LMNB1: variants seen among roughly 807,000 people sequenced by gnomAD.
LMNB1 encodes lamin B1, also known as lamin-B1.
In LMNB1, 23 loss-of-function variants were observed where a neutral mutation model predicts 67.1. The ratio of observed to expected loss-of-function variants is 0.34; its 90% CI spans 0.25 to 0.49. The LOEUF (loss-of-function observed/expected upper bound fraction) is 0.49, where lower values mean the gene tolerates loss of function less well. Ranked by LOEUF, LMNB1 falls within the 20% of genes least tolerant of loss-of-function variation. The pLI is 0.99. For synonymous variants in LMNB1, 281 were observed against 282.9 expected, an observed-to-expected ratio of 0.99 and a Z score of 0.07; for missense variants, 634 against 746.5, an observed-to-expected ratio of 0.85 and a Z score of 1.76.
chr5:126,819,644 C>T (rs945166715), intron 6 of LMNB1, among the ~76,000 whole-genome samples: 9 of 151,916 alleles, frequency 5.9e-5, no homozygotes, highest in African/African-American at 2.2e-4. Context: ...GCGTGTGTCA[C>T]CACACCCGGC....
At chr5:126,815,962 G>A (rs1327771718) in intron 5 of LMNB1, among the ~76,000 whole-genome samples, 1 of 152,006 alleles carries the variant, frequency 6.6e-6, no homozygotes. Flanking sequence ...TATAAATCTC[G>A]GCTCAGGTTA....
intron 4 of LMNB1, 80 bp from the exon 5 acceptor site, chr5:126,811,693 G>T (rs1197761538): frequency 1.4e-6 from 2 of 1,383,012 alleles, no homozygotes; most frequent in Non-Finnish European, 2.0e-6. Context: ...ACTTAGGTTT[G>T]AAATGCCTTG....
chr5:126,786,347 T>A (rs1199196317), intron 1 of LMNB1, among the ~76,000 whole-genome samples: 1 of 152,086 alleles, frequency 6.6e-6, no homozygotes, highest in Non-Finnish European at 1.5e-5. Context: ...GGTCTCGATC[T>A]CCTGACCTCG....
upstream of LMNB1, chr5:126,776,637 G>C (rs897048857): frequency 1.3e-4 from 20 of 152,274 alleles, no homozygotes; most frequent in African/African-American, 4.8e-4. Flanking sequence ...CGGGGGATAA[G>C]GTTACCACGC....
chr5:126,800,982 A>ATATATATAATTTTTTT, intron 1 of LMNB1, among the ~76,000 whole-genome samples: 2 of 18,636 alleles, frequency 1.1e-4, no homozygotes, highest in Non-Finnish European at 2.1e-4. Context: ...TATATATATA[A>ATATATATAATTTTTTT]TTTTTTTTTT....
chr5:126,805,047 T>C (rs1238432167), intron 2 of LMNB1, 115 bp downstream of exon 2: 4 of 970,460 alleles, frequency 4.1e-6, no homozygotes, highest in Middle Eastern at 2.2e-4. Context: ...TGAAATTTTA[T>C]ATATTTGTTT....
At chr5:126,795,686 C>T (rs1353607224) in intron 1 of LMNB1, among the ~76,000 whole-genome samples, 9 of 152,042 alleles carry the variant, frequency 5.9e-5, no homozygotes, top group Admixed American at 5.2e-4. Context: ...TGCAATGGTG[C>T]AATCTTGGCT....
chr5:126,816,026 C>CT (rs1451192113), intron 5 of LMNB1, among the ~76,000 whole-genome samples: 1 of 151,862 alleles, frequency 6.6e-6, no homozygotes, highest in Non-Finnish European at 1.5e-5. Flanking sequence ...TAGATTCTAC[C>CT]TTTTTGCCCA....
intron 9 of LMNB1, among the ~76,000 whole-genome samples, chr5:126,832,204 G>T (rs980175864): frequency 9.2e-5 from 14 of 152,160 alleles, no homozygotes; most frequent in Admixed American, 7.9e-4. Flanking sequence ...GGAAGTGAAG[G>T]TTTCAGTGAA....
chr5:126,820,867 C>T (rs763270038), intron 6 of LMNB1, 43 bp from the exon 7 acceptor site: 4 of 1,392,210 alleles, frequency 2.9e-6, no homozygotes. Flanking sequence ...GCGAGAAGGG[C>T]ATATGTGTTT....
At chr5:126,789,226 T>A (rs370756221) in intron 1 of LMNB1, among the ~76,000 whole-genome samples, 2 of 152,136 alleles carry the variant, frequency 1.3e-5, no homozygotes, top group South Asian at 4.1e-4. Context: ...AACTAGATTC[T>A]TACTCAGTGT....
chr5:126,824,384 C>T (rs1362807597), intron 8 of LMNB1, among the ~76,000 whole-genome samples: 2 of 151,820 alleles, frequency 1.3e-5, no homozygotes, highest in East Asian at 3.9e-4. Context: ...GATATTTTTA[C>T]ATTCTTTTTT....
chr5:126,777,548 C>T lies in LMNB1; in HGVS notation c.40C>T (p.Arg14Cys), dbSNP rs1482768514. 1 of 1,441,890 alleles carries T rather than the reference C, an allele frequency of 6.9e-7. No individual in the cohort carries two copies. The highest frequency in any genetic ancestry group is 2.8e-5 in the Admixed American group (1 of 35,972). The allele number at this position is 1,441,890 out of a possible 1,614,324, so 89.3% of individuals were successfully genotyped here. Residue 14 changes from arginine to cysteine, a missense_variant, in exon 1 of 11, where the codon CGC becomes TGC. Transcript: ENST00000261366. ...CCCCGTGCCGCCGCGGATGGGCAGC[C>T]GCGCTGGCGGCCCCACCACGCCGCT... is the stretch of plus-strand genomic sequence containing the variant. Reference protein sequence around the residue: ...ATPVPPRMGSRAGGPTTPLSP... With the variant: ...ATPVPPRMGSCAGGPTTPLSP...
At chr5:126,787,883 G>A (rs1750849741) in intron 1 of LMNB1, among the ~76,000 whole-genome samples, 2 of 151,912 alleles carry the variant, frequency 1.3e-5, no homozygotes, top group South Asian at 4.2e-4. Context: ...AATACATGGG[G>A]TGGGGAAGGG....
Position 126,777,761 on chromosome 5 carries a change from G to T in LMNB1, c.253G>T (p.Glu85Ter). The T allele has an allele frequency of 6.6e-7, 1 of 1,522,318 alleles. No individual in the cohort carries two copies. Among genetic ancestry groups the T allele is most frequent in the Non-Finnish European group, 8.8e-7 (1 of 1,132,102 alleles). 94.3% of individuals were successfully genotyped at this position (1,522,318 alleles called of 1,614,324 possible). The change falls in exon 1 of 11, where the codon GAG becomes TAG. Residue 85 changes from glutamate to a stop codon, truncating the protein, a stop_gained. Transcript: ENST00000261366. LOFTEE classifies it high-confidence loss of function. Reference protein sequence around the residue: ...LTGLKALYETELADARRALDD... With the variant: ...LTGLKALYET ...CGGCCTCAAGGCGCTCTACGAGACC[G>T]AGCTGGCCGACGCGCGACGCGCGCT... is the stretch of plus-strand genomic sequence containing the variant.
At chr5:126,797,972 G>C (rs1751148907) in intron 1 of LMNB1, among the ~76,000 whole-genome samples, 1 of 152,162 alleles carries the variant, frequency 6.6e-6, no homozygotes, top group South Asian at 2.1e-4. Context: ...TATACTCCCA[G>C]CTTCTTGGGG....
chr5:126,817,077 TG>T (rs55977268), intron 5 of LMNB1, among the ~76,000 whole-genome samples: 96,246 of 143,512 alleles, frequency 0.67, 31,868 homozygotes, highest in South Asian at 0.73. Context: ...CCCGTTTGTT[TG>T]GTTTGTTTGT....
intron 1 of LMNB1, among the ~76,000 whole-genome samples, chr5:126,784,807 C>T (rs1750724709): frequency 6.6e-6 from 1 of 151,446 alleles, no homozygotes. Flanking sequence ...CTACAGGCGC[C>T]CTCCACCACG....
At chr5:126,825,906 G>T in intron 8 of LMNB1, 82 bp from the exon 9 acceptor site, 3 of 1,567,676 alleles carry the variant, frequency 1.9e-6, no homozygotes. Context: ...AGAATCAAGT[G>T]TTTGAGTCTC....
Sources: gnomAD v4.1 joint callset for allele counts (sites outside exome capture counted in the v4.1 genomes callset) on GRCh38, gnomAD v4.1.1 for gene constraint, MANE v1.5 for transcripts, NCBI Gene and HGNC (gene_info 2026-07-23, HGNC 2026-07-21) for gene names.